The following SLC6A15 variants were observed in gnomAD, a reference collection of about 807,000 sequenced individuals.
The protein encoded by SLC6A15 is sodium-dependent neutral amino acid transporter B(0)AT2.
In SLC6A15, 33 loss-of-function variants were observed where a neutral mutation model predicts 68.5. The ratio of observed to expected loss-of-function variants is 0.48; its 90% CI spans 0.37 to 0.64. The LOEUF (loss-of-function observed/expected upper bound fraction) is 0.64. Ranked by LOEUF, SLC6A15 falls within the 30% of genes least tolerant of loss-of-function variation. The pLI is 0.00. For synonymous variants in SLC6A15, 347 were observed against 301.0 expected, an observed-to-expected ratio of 1.15 and a Z score of -1.58; for missense variants, 747 against 874.3, an observed-to-expected ratio of 0.85 and a Z score of 1.84.
At chr12:84,866,074 A>G (rs74396975) in intron 10 of SLC6A15, among the ~76,000 whole-genome samples, 3,617 of 151,024 alleles carry the variant, frequency 0.024, 142 homozygotes, top group African/African-American at 0.083. Flanking sequence ...CACAAAAAAC[A>G]TTCTCTAAGC....
chr12:84,912,138 T>C (rs1345388154), intron 1 of SLC6A15: 1 of 152,246 alleles, frequency 6.6e-6, no homozygotes, highest in Non-Finnish European at 1.5e-5. Context: ...CTCTTGGACT[T>C]TCCCGTGTTG....
rs1267789325 is a variant in SLC6A15, at chr12:84,878,694, G to A, written c.757-2087C>T. On this transcript the variant is annotated intron_variant, in intron 5 of 11. Transcript: ENST00000266682. ...TATTTTTAATATAATTTCTAATTAGGTACTAAGAAAAGATTCTTCCTGTAC... is the reference window on the plus strand; with the variant it reads ...TATTTTTAATATAATTTCTAATTAGATACTAAGAAAAGATTCTTCCTGTAC... Among the ~76,000 whole-genome samples the A allele has an allele frequency of 2.7e-5, 4 of 150,906 alleles. No individual in the cohort carries two copies. In the East Asian group the frequency reaches 7.8e-4, roughly 29 times the overall value.
chr12:84,898,854 A>C (rs1162626680), intron 1 of SLC6A15, among the ~76,000 whole-genome samples: 1 of 152,210 alleles, frequency 6.6e-6, no homozygotes, highest in Non-Finnish European at 1.5e-5. Context: ...CCATGGCTGC[A>C]CATCAAATCT....
At position 84,876,569 on chromosome 12, in the gene SLC6A15, A is replaced by G; in HGVS notation, c.795T>C (p.Leu265=). ...GGAATGCTCTGATGAGGAAGCAAAT[A>G]AGTACCACATATGGAAACAGAGAAC... ...YFSSLFPYVV[L]ICFLIRAFLL... The change falls in exon 6 of 12, where the codon CTT becomes CTC. Residue 265 remains leucine, a synonymous_variant. Coordinates refer to ENST00000266682, the MANE Select transcript of SLC6A15 (RefSeq NM_182767.6). 6.3e-7 allele frequency: 1 copy of G among 1,595,066 alleles called. No individual in the cohort carries two copies. The highest frequency in any genetic ancestry group is 8.5e-7 in the Non-Finnish European group (1 of 1,170,736).
chr12:84,886,064 T>G lies in SLC6A15; in HGVS notation c.294A>C (p.Ala98=). 1 of 1,586,640 alleles carries G rather than the reference T, an allele frequency of 6.3e-7. No individual in the cohort carries two copies. Among genetic ancestry groups the G allele is most frequent in the African/African-American group, 1.4e-5 (1 of 73,892 alleles). Residue 98 remains alanine (A), a synonymous_variant, in exon 3 of 12, where the codon GCA becomes GCC. Transcript: ENST00000266682. The part of the protein sequence containing the change: ...PYLCQKNGGG[A]YLLPYLILLM... ...GTAGTATTAAATATGGTAAAAGATA[T>G]GCACCTAAAGAAACAACAACAAAAA...
In SLC6A15 at chr12:84,897,816, C is replaced by T. The variant is rs570012702; in HGVS notation, c.-188-5508G>A. ...AAGACTACATAATCATAAAATTTAG[C>T]CAAACAGAGAAAACAAAGTAAAAGA... On this transcript the variant is annotated intron_variant, in intron 1 of 11. Transcript: ENST00000266682. Among the ~76,000 whole-genome samples, 78 of 151,880 alleles carry T rather than the reference C, an allele frequency of 5.1e-4. 3 individuals are homozygous for T. The South Asian group carries it at 0.015, about 30-fold the overall frequency.
At chr12:84,908,251 T>C (rs1430558625) in intron 1 of SLC6A15, among the ~76,000 whole-genome samples, 1 of 152,140 alleles carries the variant, frequency 6.6e-6, no homozygotes, top group Non-Finnish European at 1.5e-5. Context: ...TCAACACCCA[T>C]CTCAAAATTA....
chr12:84,898,729 A>C (rs1872732208), intron 1 of SLC6A15, among the ~76,000 whole-genome samples: 1 of 152,188 alleles, frequency 6.6e-6, no homozygotes, highest in East Asian at 1.9e-4. Flanking sequence ...CTAAGACTAT[A>C]ATATAACTGA....
At chr12:84,875,713 G>T (rs368804804) in intron 6 of SLC6A15, among the ~76,000 whole-genome samples, 93,624 of 93,648 alleles carry the variant, frequency 1, 46,800 homozygotes, top group Middle Eastern at 1. Context: ...AATCAAAAAC[G>T]TGGTCCCTGT....
chr12:84,895,749 C>T (rs1872611564), intron 1 of SLC6A15, among the ~76,000 whole-genome samples: 1 of 152,080 alleles, frequency 6.6e-6, no homozygotes, highest in African/African-American at 2.4e-5. Context: ...AATTTAGTTT[C>T]TGAAGAGATT....
intron 1 of SLC6A15, among the ~76,000 whole-genome samples, chr12:84,893,498 T>C (rs1462529291): frequency 6.6e-6 from 1 of 152,058 alleles, no homozygotes; most frequent in Non-Finnish European, 1.5e-5. Context: ...ATATAAGACA[T>C]GTCTACAGTC....
At chr12:84,905,388 C>T (rs1202066337) in intron 1 of SLC6A15, among the ~76,000 whole-genome samples, 3 of 152,052 alleles carry the variant, frequency 2.0e-5, no homozygotes, top group Admixed American at 6.6e-5. Context: ...AAATTAGGAA[C>T]AGAAGGAAAC....
chr12:84,884,375 G>A (rs1288168241), intron 4 of SLC6A15, among the ~76,000 whole-genome samples: 1 of 151,612 alleles, frequency 6.6e-6, no homozygotes, highest in Non-Finnish European at 1.5e-5. Flanking sequence ...GTGCGATCTC[G>A]GCTCACTGCA....
At chr12:84,864,720 T>C (rs1190315324) in intron 10 of SLC6A15, among the ~76,000 whole-genome samples, 1 of 152,144 alleles carries the variant, frequency 6.6e-6, no homozygotes, top group East Asian at 1.9e-4. Flanking sequence ...ACCTGCCCTT[T>C]AGAAAAAATA....
chr12:84,892,688 T>G (rs1013721867), intron 1 of SLC6A15, among the ~76,000 whole-genome samples: 3 of 152,204 alleles, frequency 2.0e-5, no homozygotes, highest in Non-Finnish European at 2.9e-5. Context: ...ATAAACACAA[T>G]TGCAAACCAA....
intron 9 of SLC6A15, among the ~76,000 whole-genome samples, chr12:84,868,536 A>T (rs1428132102): frequency 6.6e-6 from 1 of 152,196 alleles, no homozygotes; most frequent in Non-Finnish European, 1.5e-5. Flanking sequence ...AAAGTGCATT[A>T]TAAGTGGTAC....
chr12:84,877,993 G>A (rs1335915730), intron 5 of SLC6A15, among the ~76,000 whole-genome samples: 1 of 152,038 alleles, frequency 6.6e-6, no homozygotes. Flanking sequence ...TTGGAACAAT[G>A]GAGGAAAAAG....
chr12:84,897,184 G>T (rs1317070632), intron 1 of SLC6A15, among the ~76,000 whole-genome samples: 1 of 151,978 alleles, frequency 6.6e-6, no homozygotes, highest in Non-Finnish European at 1.5e-5. Context: ...GAGTGACGGA[G>T]CAAGACCGTG....
In SLC6A15 at chr12:84,861,758, AT is replaced by A. The variant is rs1565718158; in HGVS notation, c.2066del (p.Asn689IlefsTer26). The A allele has an allele frequency of 1.2e-6, 2 of 1,613,988 alleles. No homozygotes were observed. Among genetic ancestry groups the A allele is most frequent in the Non-Finnish European group, 1.7e-6 (2 of 1,179,926 alleles). Reference sequence around the variant, plus strand: ...GTTTTCGATAAATATTTTTACCAAAATTTGGAGATGGCATCTCGCTCGGTAT... The same window carrying A: ...GTTTTCGATAAATATTTTTACCAAAATTGGAGATGGCATCTCGCTCGGTAT... ...GKIPSEMPSP[N>X]FGKNIYRKQS... On this transcript the variant is annotated frameshift_variant, in exon 12 of 12. Transcript: ENST00000266682. LOFTEE classifies it high-confidence loss of function.
Sources: allele counts gnomAD v4.1 joint callset (sites outside exome capture counted in the v4.1 genomes callset), GRCh38; gene constraint gnomAD v4.1.1; transcripts MANE v1.5; gene names NCBI Gene and HGNC (gene_info 2026-07-23, HGNC 2026-07-21).